CDH4: variants seen among roughly 807,000 people sequenced by gnomAD.
The protein encoded by CDH4 is cadherin-4.
In CDH4, 33 loss-of-function variants were observed where a neutral mutation model predicts 86.0. That is an observed-to-expected ratio of 0.38 (90% CI 0.29 to 0.51). The LOEUF (loss-of-function observed/expected upper bound fraction) is 0.51, where lower values mean the gene tolerates loss of function less well. Ranked by LOEUF, CDH4 falls within the 20% of genes least tolerant of loss-of-function variation. The pLI, the probability that CDH4 is intolerant of heterozygous loss-of-function variation, is 0.86. For synonymous variants in CDH4, 555 were observed against 549.4 expected (o/e 1.01, Z -0.14); for missense variants, 1,114 against 1,307.4 (o/e 0.85, Z 2.28).
chr20:61,724,649 G>C (rs761095373), intron 2 of CDH4, among the ~76,000 whole-genome samples: 1 of 152,322 alleles, frequency 6.6e-6, no homozygotes, highest in African/African-American at 2.4e-5. Flanking sequence ...TGTCCACTTG[G>C]GGGCAGCAGT....
At chr20:61,863,537 G>T (rs1983419698) in intron 6 of CDH4, among the ~76,000 whole-genome samples, 1 of 152,160 alleles carries the variant, frequency 6.6e-6, no homozygotes, top group Non-Finnish European at 1.5e-5. Context: ...TTCCTGCAGG[G>T]AGCCCAGTTT....
chr20:61,529,277 C>T (rs919402253), intron 2 of CDH4, among the ~76,000 whole-genome samples: 2 of 152,212 alleles, frequency 1.3e-5, no homozygotes, highest in African/African-American at 4.8e-5. Context: ...GCATCATTTA[C>T]ATAGGCTTTA....
chr20:61,253,853 G>A (rs558520884), intron 1 of CDH4, among the ~76,000 whole-genome samples: 1 of 152,280 alleles, frequency 6.6e-6, no homozygotes, highest in East Asian at 1.9e-4. Flanking sequence ...GAGGCGGCGG[G>A]CGGGAGGCGC....
At chr20:61,910,100 A>G (rs900633629) in intron 8 of CDH4, among the ~76,000 whole-genome samples, 11 of 152,188 alleles carry the variant, frequency 7.2e-5, no homozygotes, top group Admixed American at 4.6e-4. Context: ...GGCGTGGCTG[A>G]CACGGTGTGT....
rs1056470024 is a variant in CDH4, at chr20:61,938,869, A to G, written c.*1926A>G. ...AGTTGAGCTGGGGTCTCAGTCTCCA[A>G]CCTGTCCTTTCTGACCCTCCCATGG... On this transcript the variant is annotated 3_prime_UTR_variant, in exon 16 of 16. Transcript: ENST00000614565. The G allele has an allele frequency of 6.6e-6, 1 of 152,276 alleles. No homozygotes were observed. 9.4% of individuals were successfully genotyped at this position (152,276 alleles called of 1,614,324 possible). A position where few individuals can be genotyped will look rare whatever the true frequency, so the allele number is the denominator to read the frequency against.
intron 5 of CDH4, among the ~76,000 whole-genome samples, chr20:61,850,150 T>TC (rs1248124816): frequency 6.6e-6 from 1 of 152,230 alleles, no homozygotes; most frequent in East Asian, 1.9e-4. Flanking sequence ...AAGGATTCCG[T>TC]AAGTTAGACA....
chr20:61,689,733 G>A (rs73915328), intron 2 of CDH4, among the ~76,000 whole-genome samples: 5,847 of 149,286 alleles, frequency 0.039, 238 homozygotes, highest in African/African-American at 0.089. Flanking sequence ...AATAGGGCTG[G>A]GACACTGGTT....
intron 2 of CDH4, among the ~76,000 whole-genome samples, chr20:61,449,377 T>A (rs2085368284): frequency 6.6e-6 from 1 of 152,234 alleles, no homozygotes; most frequent in Non-Finnish European, 1.5e-5. Context: ...CCAAGCTCTG[T>A]GCAAAGGCTA....
intron 4 of CDH4, among the ~76,000 whole-genome samples, chr20:61,833,599 A>C (rs1395534955): frequency 7.8e-6 from 1 of 128,014 alleles, no homozygotes; most frequent in Admixed American, 7.9e-5. Context: ...CTCAGTATTC[A>C]ACCCACATTA....
At chr20:61,426,822 G>A (rs1268347368) in intron 2 of CDH4, among the ~76,000 whole-genome samples, 2 of 152,230 alleles carry the variant, frequency 1.3e-5, no homozygotes, top group Admixed American at 1.3e-4. Flanking sequence ...TAGGGTATAT[G>A]CAGAAGTGTG....
rs1331527272 is a variant in CDH4 at position 61,682,140 on chromosome 20, A to G, written c.170-61423A>G. On this transcript the variant is annotated intron_variant, in intron 2 of 15. Transcript: ENST00000614565. The stretch of plus-strand genomic sequence containing the variant: ...GGAAGGTGGACCAAGGAATGGGTGG[A>G]TAGAGGGTAGATGGATGGACAGGTG... Among the ~76,000 whole-genome samples the G allele has an allele frequency of 3.9e-5, 6 of 152,160 alleles. No homozygotes were observed. The East Asian group carries it at 1.2e-3, about 29-fold the overall frequency.
chr20:61,841,291 T>C (rs1344044021), intron 4 of CDH4, among the ~76,000 whole-genome samples: 1 of 152,234 alleles, frequency 6.6e-6, no homozygotes, highest in Admixed American at 6.5e-5. Flanking sequence ...GCTGGTGGGC[T>C]CTGTACTCCA....
At chr20:61,296,124 C>A (rs2084350623) in intron 2 of CDH4, among the ~76,000 whole-genome samples, 1 of 152,072 alleles carries the variant, frequency 6.6e-6, no homozygotes, top group Non-Finnish European at 1.5e-5. Context: ...ACCAGATGAT[C>A]CACACCACAT....
intron 6 of CDH4, among the ~76,000 whole-genome samples, chr20:61,865,727 A>T (rs1381437530): frequency 9.2e-5 from 12 of 130,128 alleles, no homozygotes; most frequent in South Asian, 5.0e-4. Flanking sequence ...TTTCCTGGAC[A>T]GGTTAGTGTA....
At chr20:61,495,476 G>C (rs1158033794) in intron 2 of CDH4, among the ~76,000 whole-genome samples, 2 of 152,198 alleles carry the variant, frequency 1.3e-5, no homozygotes, top group Non-Finnish European at 2.9e-5. Flanking sequence ...GGGCAGCCCG[G>C]GACTGCCCAG....
chr20:61,628,062 T>C (rs993575970), intron 2 of CDH4, among the ~76,000 whole-genome samples: 5 of 152,058 alleles, frequency 3.3e-5, no homozygotes, highest in Admixed American at 3.3e-4. Flanking sequence ...TTCTCCCGTG[T>C]GGGGACGCGT....
At chr20:61,539,905 A>T (rs562444465) in intron 2 of CDH4, among the ~76,000 whole-genome samples, 2 of 152,014 alleles carry the variant, frequency 1.3e-5, no homozygotes, top group African/African-American at 4.8e-5. Flanking sequence ...TTTGAAAGAG[A>T]GTGTTTGGAG....
chr20:61,786,165 CAAACAGCGTCTCCTTCCGCAGCA>C (rs1978867964), intron 4 of CDH4, among the ~76,000 whole-genome samples: 1 of 152,186 alleles, frequency 6.6e-6, no homozygotes, highest in Non-Finnish European at 1.5e-5. Flanking sequence ...ACCCCCCGTT[CAAACAGCGTCTCCTTCCGCAGCA>C]AAACAGCGTG....
rs5842349 is a variant in CDH4, at chr20:61,319,953, T to TAA, written c.169+65030_169+65031dup. 2.2e-3 allele frequency among the ~76,000 whole-genome samples: 327 copies of TAA among 145,386 alleles called. 2 individuals are homozygous for TAA. The highest frequency in any genetic ancestry group is 3.5e-3 in the Non-Finnish European group (230 of 66,338). On this transcript the variant is annotated intron_variant, in intron 2 of 15. Coordinates refer to ENST00000614565, the MANE Select transcript of CDH4 (RefSeq NM_001794.5). ...CTGGGTGACAGAGTAAGACTCCATC[T>TAA]AAAAAAAAAAAAAAATGGTGAATAG...
Sources: gnomAD v4.1 joint callset for allele counts (sites outside exome capture counted in the v4.1 genomes callset) on GRCh38, gnomAD v4.1.1 for gene constraint, MANE v1.5 for transcripts, NCBI Gene and HGNC (gene_info 2026-07-23, HGNC 2026-07-21) for gene names.